The following IRF7 variants were observed in gnomAD, a reference collection of about 807,000 sequenced individuals.
IRF7 encodes the protein interferon regulatory factor 7, also known as interferon regulatory factor-7H.
A neutral mutation model predicts 51.3 loss-of-function variants in IRF7; 67 were observed. That is an observed-to-expected ratio of 1.31 (90% confidence interval 1.07 to 1.60). IRF7 has a LOEUF of 1.60. IRF7 is among the 40% of genes most tolerant of loss of function. The probability of loss-of-function intolerance (pLI) is 0.00; values close to 1 mark genes in which losing one functional copy is unlikely to be tolerated. For missense variants in IRF7, 873 were observed against 701.5 expected (o/e 1.24, Z -2.76); for synonymous variants, 427 against 301.3 (o/e 1.42, Z -4.32).
At position 613,943 on chromosome 11, in the gene IRF7, C is replaced by T; in HGVS notation, c.766+8G>A. On this transcript the variant is annotated splice_region_variant and intron_variant, in intron 7 of 10. Coordinates refer to ENST00000525445, the MANE Select transcript of IRF7 (RefSeq NM_001572.5). ...TGCCCCAGGCCTCCCAACCCCTACC[C>T]CTCTCACCTGTCGTTAGTGCCGCGG... 1.9e-6 allele frequency: 3 copies of T among 1,606,204 alleles called. No homozygotes were observed. The highest frequency in any genetic ancestry group is 2.5e-6 in the Non-Finnish European group (3 of 1,177,686).
intron 10 of IRF7, 72 bp from the exon 11 acceptor site, chr11:612,872 G>T (rs2133125621): frequency 1.9e-6 from 3 of 1,588,330 alleles, no homozygotes; most frequent in East Asian, 4.5e-5. Flanking sequence ...AGGCTCTGAG[G>T]GCGTCGGGCG....
chr11:614,089 C>T (rs763200162), intron 6 of IRF7, 52 bp from the exon 7 acceptor site: 4 of 1,579,482 alleles, frequency 2.5e-6, no homozygotes, highest in Non-Finnish European at 3.4e-6. Flanking sequence ...TTCTCCAGCT[C>T]CCCAATCCCC....
intron 4 of IRF7, 120 bp downstream of exon 4, chr11:614,677 C>T (rs1856714687): frequency 1.1e-5 from 15 of 1,387,174 alleles, no homozygotes; most frequent in Non-Finnish European, 1.5e-5. Flanking sequence ...TCCACCTGTC[C>T]TGGGCCTGCT....
In IRF7 at chr11:614,220, A is replaced by G; in HGVS notation, c.633T>C (p.Pro211=). 6.2e-7 allele frequency: 1 copy of G among 1,612,678 alleles called. No homozygotes were observed. Among genetic ancestry groups the G allele is most frequent in the Non-Finnish European group, 8.5e-7 (1 of 1,179,822 alleles). ...WGADPVPTKA[P]GEGQEGLPLT... is the part of the protein sequence containing the mutation. ...GGGGAAGCCCTTCTTGTCCCTCTCC[A>G]GGAGCCTTGGTTGGGACTGGATCTG... Residue 211 remains proline, a synonymous_variant, in exon 6 of 11, where the codon CCT becomes CCC. Coordinates refer to ENST00000525445, the MANE Select transcript of IRF7 (RefSeq NM_001572.5).
In IRF7 at chr11:613,701, G is replaced by C. The variant is rs1257385491; in HGVS notation, c.847+84C>G. On this transcript the variant is annotated intron_variant, in intron 8 of 10. Coordinates refer to ENST00000525445, the MANE Select transcript of IRF7 (RefSeq NM_001572.5). ...GAGTGACGGGGGTGGGCGGGGACAG[G>C]ATGTGAGTGATGGGTGGGCGGGGAC... 9.1e-6 allele frequency: 7 copies of C among 767,098 alleles called. 1 individual carries two copies. The highest frequency in any genetic ancestry group is 6.8e-5 in the East Asian group (1 of 14,714). 47.5% of individuals were successfully genotyped at this position (767,098 alleles called of 1,614,324 possible).
Position 614,046 on chromosome 11 carries a change from G to A in IRF7, c.680-9C>T, listed in dbSNP as rs573010452. The A allele has an allele frequency of 1.9e-6, 3 of 1,604,848 alleles. No homozygotes were observed. The highest frequency in any genetic ancestry group is 1.7e-5 in the Admixed American group (1 of 59,316). On this transcript the variant is annotated splice_polypyrimidine_tract_variant and intron_variant, in intron 6 of 10. Coordinates refer to ENST00000525445, the MANE Select transcript of IRF7 (RefSeq NM_001572.5). ...AGCAGGGAGCCCTGGGCCTGAGGAG[G>A]GGAGGACAGTGGGAACGGTGGTCCC...
intron 1 of IRF7, 25 bp from the exon 2 acceptor site, chr11:615,672 CAG>C (rs1177362344): frequency 7.6e-6 from 3 of 395,016 alleles, no homozygotes; most frequent in African/African-American, 4.1e-5. Context: ...AAGGCGACGT[CAG>C]GGGCGGGTCA....
In IRF7 at chr11:615,440, C is replaced by T. The variant is rs1589925701; in HGVS notation, c.-76G>A. 5 of 1,428,634 alleles carry T rather than the reference C, an allele frequency of 3.5e-6. No homozygotes were observed. The highest frequency in any genetic ancestry group is 2.8e-5 in the Admixed American group (1 of 35,570). The allele number at this position is 1,428,634 out of a possible 1,614,324, so 88.5% of individuals were successfully genotyped here. A position where few individuals can be genotyped will look rare whatever the true frequency, so the allele number is the denominator to read the frequency against. On this transcript the variant is annotated 5_prime_UTR_variant, in exon 2 of 11. Coordinates refer to ENST00000525445, the MANE Select transcript of IRF7 (RefSeq NM_001572.5). Reference sequence around the variant, plus strand: ...AGGTAAGGGCTCCTGTCGCAGCAGACGCCAGGCCGCGGCCACAGGTCGTGT... The same window carrying T: ...AGGTAAGGGCTCCTGTCGCAGCAGATGCCAGGCCGCGGCCACAGGTCGTGT...
At position 613,792 on chromosome 11, in the gene IRF7, C is replaced by G; in HGVS notation, c.840G>C (p.Ala280=). The G allele has an allele frequency of 6.4e-7, 1 of 1,562,282 alleles. No individual in the cohort carries two copies. The highest frequency in any genetic ancestry group is 8.6e-7 in the Non-Finnish European group (1 of 1,163,680). Reference sequence around the variant, plus strand: ...TTCCTGGGATGCACTCACCTTGCACCGCGGTGCAGGCGCTTGGGGAGGGTG... The same window carrying G: ...TTCCTGGGATGCACTCACCTTGCACGGCGGTGCAGGCGCTTGGGGAGGGTG... ...YLSPSPSACT[A]VQEPSPGALD... is the part of the protein sequence containing the mutation. The change falls in exon 8 of 11, where the codon GCG becomes GCC. Residue 280 remains alanine, a synonymous_variant. Transcript: ENST00000525445.
chr11:614,581 G>T (rs1052801556), intron 4 of IRF7, 47 bp from the exon 5 acceptor site: 42 of 1,543,384 alleles, frequency 2.7e-5, no homozygotes, highest in Non-Finnish European at 3.6e-5. Context: ...CAGAGTGAGA[G>T]ATACAAGGAG....
At position 615,568 on chromosome 11, in the gene IRF7, C is replaced by T; in HGVS notation, c.-204G>A. The T allele has an allele frequency of 2.0e-6, 1 of 512,304 alleles. No individual in the cohort carries two copies. Among genetic ancestry groups the T allele is most frequent in the Non-Finnish European group, 3.3e-6 (1 of 300,580 alleles). The allele number at this position is 512,304 out of a possible 1,614,324, so 31.7% of individuals were successfully genotyped here. A position where few individuals can be genotyped will look rare whatever the true frequency, so the allele number is the denominator to read the frequency against. On this transcript the variant is annotated 5_prime_UTR_variant, in exon 2 of 11. Coordinates refer to ENST00000525445, the MANE Select transcript of IRF7 (RefSeq NM_001572.5). ...GCAGAGGGGGCTACAGGTGTGACTG[C>T]AGGTGTGGCCGGCGCGCACACATGA...
In IRF7 at chr11:615,356, C is replaced by T. The variant is rs759667089; in HGVS notation, c.9G>A (p.Leu3=). ...GGCCGGGCTCTTACCTCTCAGGAGC[C>T]AAGGCCATTGCTCCTTCTGCAGGGG... The part of the protein sequence containing the change: MA[L]APERAAPRVL... Residue 3 remains leucine (L), a synonymous_variant, in exon 2 of 11, where the codon TTG becomes TTA. Coordinates refer to ENST00000525445, the MANE Select transcript of IRF7 (RefSeq NM_001572.5). The T allele has an allele frequency of 6.6e-6, 10 of 1,519,118 alleles. No homozygotes were observed. Among genetic ancestry groups the T allele is most frequent in the East Asian group, 4.6e-5 (2 of 43,528 alleles). 94.1% of individuals were successfully genotyped at this position (1,519,118 alleles called of 1,614,324 possible).
In IRF7 at chr11:615,551, G is replaced by A. The variant is rs961245995; in HGVS notation, c.-187C>T. ...TCGGTATGGATCTCTTGGCAGAGGGGGCTACAGGTGTGACTGCAGGTGTGG... is the reference window on the plus strand; with the variant it reads ...TCGGTATGGATCTCTTGGCAGAGGGAGCTACAGGTGTGACTGCAGGTGTGG... On this transcript the variant is annotated 5_prime_UTR_variant, in exon 2 of 11. Transcript: ENST00000525445. 3.3e-5 allele frequency: 20 copies of A among 603,992 alleles called. No individual in the cohort carries two copies. The Admixed American group carries it at 3.4e-4, about 10-fold the overall frequency. The allele number at this position is 603,992 out of a possible 1,614,324, so 37.4% of individuals were successfully genotyped here.
At position 615,113 on chromosome 11, in the gene IRF7, T is replaced by TCGG; in HGVS notation, c.164_166dup (p.Ala55dup). On this transcript the variant is annotated inframe_insertion, in exon 3 of 11. Transcript: ENST00000525445. Reference sequence around the variant, plus strand: ...GGTCCCCACCTTGAAGATGCGCGCGTCGGCCTCGCTCAGGTCCTTGCGCGC... The same window carrying TCGG: ...GGTCCCCACCTTGAAGATGCGCGCGTCGGCGGCCTCGCTCAGGTCCTTGCGCGC... 1.9e-6 allele frequency: 3 copies of TCGG among 1,594,754 alleles called. No individual in the cohort carries two copies. Among genetic ancestry groups the TCGG allele is most frequent in the Non-Finnish European group, 2.6e-6 (3 of 1,176,038 alleles).
At position 612,730 on chromosome 11, in the gene IRF7, C is replaced by G. The variant is rs533205946; in HGVS notation, c.1427G>C (p.Ser476Thr). Reference sequence around the variant, plus strand: ...GCTGGACAGGCAGAGGCTGAGGCTGCTGCTATCCAGGGAAGACACACCCTC... The same window carrying G: ...GCTGGACAGGCAGAGGCTGAGGCTGGTGCTATCCAGGGAAGACACACCCTC... ...QREGVSSLDS[S>T]SLSLCLSSAN... Residue 476 changes from serine to threonine, a missense_variant, in exon 11 of 11, where the codon AGC becomes ACC. Transcript: ENST00000525445. 3 of 1,612,752 alleles carry G rather than the reference C, an allele frequency of 1.9e-6. No individual in the cohort carries two copies. The highest frequency in any genetic ancestry group is 2.2e-5 in the South Asian group (2 of 91,088).
In IRF7 at chr11:615,264, G is replaced by T; in HGVS notation, c.21-5C>A. The T allele has an allele frequency of 6.3e-7, 1 of 1,581,202 alleles. No homozygotes were observed. On this transcript the variant is annotated splice_polypyrimidine_tract_variant and splice_region_variant and intron_variant, in intron 2 of 10. Transcript: ENST00000525445. ...AACAGCACGCGTGGGGCTGCCCTGC[G>T]GGTGCCCGGCCGCGGAGAGTCAGGG...
intron 1 of IRF7, 42 bp from the exon 2 acceptor site, chr11:615,689 C>T (rs1156495302): frequency 2.1e-5 from 8 of 384,844 alleles, no homozygotes; most frequent in East Asian, 1.9e-4. Flanking sequence ...GGGTCAGGCT[C>T]CCGGGAAAGC....
Position 613,310 on chromosome 11 carries a change from C to G in IRF7, c.1133G>C (p.Trp378Ser), listed in dbSNP as rs1166563090. ...ARRMGKCKVY[W>S]EVGGPPGSAS... ...GGAGCCTGGGGGTCCGCCCACCTCC[C>G]AGTACACCTTGCACTTGCCCATGCG... The change falls in exon 9 of 11, where the codon TGG (tryptophan) becomes TCG (serine). Residue 378 changes from tryptophan (W) to serine (S), a missense_variant. Transcript: ENST00000525445. The G allele has an allele frequency of 6.2e-7, 1 of 1,611,832 alleles. No individual in the cohort carries two copies. Among genetic ancestry groups the G allele is most frequent in the Non-Finnish European group, 8.5e-7 (1 of 1,179,632 alleles).
chr11:614,053 C>G lies in IRF7; in HGVS notation c.680-16G>C, dbSNP rs182170955. 258 of 1,601,338 alleles carry G rather than the reference C, an allele frequency of 1.6e-4. 2 individuals carry two copies. The African/African-American group carries it at 2.7e-3, about 17-fold the overall frequency. On this transcript the variant is annotated splice_polypyrimidine_tract_variant and intron_variant, in intron 6 of 10. Transcript: ENST00000525445. ...AGCCCTGGGCCTGAGGAGGGGAGGA[C>G]AGTGGGAACGGTGGTCCCCTCCTAA... is the stretch of plus-strand genomic sequence containing the variant.
Sources: gnomAD v4.1 joint callset for allele counts on GRCh38, gnomAD v4.1.1 for gene constraint, MANE v1.5 for transcripts, NCBI Gene and HGNC (gene_info 2026-07-23, HGNC 2026-07-21) for gene names.